Variants in ITGAM observed in about 807,000 individuals in gnomAD.
The protein encoded by ITGAM is integrin alpha-M.
Under a neutral mutation model 137.5 loss-of-function variants are expected in ITGAM, and 79 were observed. The ratio of observed to expected loss-of-function variants is 0.57; its 90% CI spans 0.48 to 0.69. The LOEUF (loss-of-function observed/expected upper bound fraction) is 0.69, where lower values mean the gene tolerates loss of function less well. ITGAM is among the 30% of genes least tolerant of loss of function. The probability of loss-of-function intolerance (pLI) is 0.00; values close to 1 mark genes in which losing one functional copy is unlikely to be tolerated. For missense variants in ITGAM, 1,343 were observed against 1,483.5 expected (o/e 0.91, Z 1.56); for synonymous variants, 583 against 592.3 (o/e 0.98, Z 0.23).
At chr16:31,270,594 G>A (rs558481543) in intron 5 of ITGAM, among the ~76,000 whole-genome samples, 2 of 149,888 alleles carry the variant, frequency 1.3e-5, no homozygotes, top group Non-Finnish European at 3.0e-5. Context: ...GCTCACTGAA[G>A]CCTCAACCTT....
chr16:31,266,862 ATT>A (rs79448805), intron 5 of ITGAM, among the ~76,000 whole-genome samples: 8 of 145,190 alleles, frequency 5.5e-5, no homozygotes, highest in African/African-American at 1.0e-4. Flanking sequence ...GACTGTATGG[ATT>A]TTTTTTTTTT....
chr16:31,322,936 A>G (rs193195195), intron 16 of ITGAM, among the ~76,000 whole-genome samples: 31 of 152,306 alleles, frequency 2.0e-4, no homozygotes, highest in African/African-American at 7.5e-4. Flanking sequence ...TGCGATAAAA[A>G]GAAAGAAAAA....
intron 12 of ITGAM, 105 bp from the exon 13 acceptor site, chr16:31,297,408 TC>T: frequency 7.0e-7 from 1 of 1,426,608 alleles, no homozygotes; most frequent in Non-Finnish European, 9.8e-7. Context: ...TCACATCTGC[TC>T]CAGAGGGATT....
intron 14 of ITGAM, 40 bp from the exon 15 acceptor site, chr16:31,321,201 C>T (rs1473450213): frequency 6.2e-7 from 1 of 1,610,684 alleles, no homozygotes. Context: ...TCCTGTCTTT[C>T]CTACCCCTTT....
At chr16:31,308,499 C>A (rs1187021750) in intron 14 of ITGAM, among the ~76,000 whole-genome samples, 1 of 151,988 alleles carries the variant, frequency 6.6e-6, no homozygotes, top group African/African-American at 2.4e-5. Context: ...GGTGATATCC[C>A]CTTTGTCATT....
intron 16 of ITGAM, among the ~76,000 whole-genome samples, chr16:31,322,501 C>A (rs147161649): frequency 5.9e-4 from 89 of 152,072 alleles, no homozygotes; most frequent in Non-Finnish European, 2.8e-4. Context: ...TCCAAGACAC[C>A]CAGTAGAAAA....
At chr16:31,278,633 T>C (rs1164701326) in intron 12 of ITGAM, among the ~76,000 whole-genome samples, 1 of 152,188 alleles carries the variant, frequency 6.6e-6, no homozygotes, top group African/African-American at 2.4e-5. Context: ...TGGTCACATA[T>C]TATGTGGGAA....
At chr16:31,282,291 G>T (rs529078858) in intron 12 of ITGAM, among the ~76,000 whole-genome samples, 1 of 152,076 alleles carries the variant, frequency 6.6e-6, no homozygotes, top group Non-Finnish European at 1.5e-5. Flanking sequence ...TTTCTGTCTC[G>T]TTGATCTGTC....
In ITGAM at chr16:31,295,719, T is replaced by C. The variant is rs116800740; in HGVS notation, c.1357-1795T>C. 7.1e-3 allele frequency among the ~76,000 whole-genome samples: 1,087 copies of C among 152,086 alleles called. 14 individuals carry two copies. Among genetic ancestry groups the C allele is most frequent in the African/African-American group, 0.024 (1,017 of 41,516 alleles). ...TTTGGGTCTCTTTCATTTATTTTTCTTGCCTAATTGCTGTGACCAGGACTT... is the reference window on the plus strand; with the variant it reads ...TTTGGGTCTCTTTCATTTATTTTTCCTGCCTAATTGCTGTGACCAGGACTT... On this transcript the variant is annotated intron_variant, in intron 12 of 29. Transcript: ENST00000544665.
chr16:31,320,107 C>T (rs2144476477), intron 14 of ITGAM, among the ~76,000 whole-genome samples: 1 of 152,260 alleles, frequency 6.6e-6, no homozygotes, highest in East Asian at 1.9e-4. Context: ...CCACGTGAGC[C>T]ACCGCGTCTG....
At chr16:31,269,146 T>C (rs1469541321) in intron 5 of ITGAM, among the ~76,000 whole-genome samples, 1 of 152,126 alleles carries the variant, frequency 6.6e-6, no homozygotes, top group African/African-American at 2.4e-5. Flanking sequence ...GTCGGAGCTG[T>C]CTTCTTGCGT....
chr16:31,287,513 T>C (rs1452484986), intron 12 of ITGAM, among the ~76,000 whole-genome samples: 1 of 152,234 alleles, frequency 6.6e-6, no homozygotes, highest in Non-Finnish European at 1.5e-5. Context: ...GGAATACTTT[T>C]CCGCTTATTT....
intron 23 of ITGAM, 149 bp from the exon 24 acceptor site, chr16:31,329,079 A>AC: frequency 6.3e-4 from 31 of 49,446 alleles, no homozygotes; most frequent in South Asian, 1.9e-3. Context: ...TGGTTCCCCC[A>AC]TCCCCCTGCA....
rs992013820 is a variant in ITGAM, at chr16:31,271,911, A to G, written c.623A>G (p.Asn208Ser). 6.2e-7 allele frequency: 1 copy of G among 1,613,984 alleles called. No homozygotes were observed. Among genetic ancestry groups the G allele is most frequent in the East Asian group, 2.2e-5 (1 of 44,876 alleles). The change falls in exon 7 of 30, where the codon AAC becomes AGC. Residue 208 changes from asparagine to serine, a missense_variant. Asn to Ser is a conservative substitution (Grantham distance 46, BLOSUM62 1). Transcript: ENST00000544665. ...IHFTFKEFQNNPNPRSLVKPI... is the reference protein window; with the variant it reads ...IHFTFKEFQNSPNPRSLVKPI... Reference sequence around the variant, plus strand: ...TTTACCTTCAAAGAGTTCCAGAACAACCCTAACCCAAGATCACTGGTGAAG... The same window carrying G: ...TTTACCTTCAAAGAGTTCCAGAACAGCCCTAACCCAAGATCACTGGTGAAG...
chr16:31,324,251 G>A lies in ITGAM; in HGVS notation c.2003-148G>A. On this transcript the variant is annotated intron_variant, in intron 16 of 29. Transcript: ENST00000544665. The surrounding 1 kb of genome is among the most constrained non-coding windows in gnomAD (Gnocchi z 4.5). ...GAGGAAAGAAAGAAAGAAAGAAAAA[G>A]GAAGGAAGGAAGGAAAGAAGACTCA... The A allele has an allele frequency of 1.7e-6, 1 of 572,596 alleles. No homozygotes were observed. The highest frequency in any genetic ancestry group is 4.3e-4 in the Middle Eastern group (1 of 2,338). 35.5% of individuals were successfully genotyped at this position (572,596 alleles called of 1,614,324 possible).
rs565800712 is a variant in ITGAM at position 31,260,724 on chromosome 16, C to T, written c.28+632C>T. ...AGGGAGGCTGGAATTCAGAGCAGGACTGGACGTGCCCCACGACGGTGGTTC... is the reference window on the plus strand; with the variant it reads ...AGGGAGGCTGGAATTCAGAGCAGGATTGGACGTGCCCCACGACGGTGGTTC... On this transcript the variant is annotated intron_variant, in intron 1 of 29. Transcript: ENST00000544665. Among the ~76,000 whole-genome samples, 32 of 152,336 alleles carry T rather than the reference C, an allele frequency of 2.1e-4. No individual in the cohort carries two copies. In the South Asian group the frequency reaches 6.0e-3, roughly 29 times the overall value.
At chr16:31,280,763 G>C (rs1245294675) in intron 12 of ITGAM, among the ~76,000 whole-genome samples, 2 of 152,152 alleles carry the variant, frequency 1.3e-5, no homozygotes, top group Non-Finnish European at 2.9e-5. Flanking sequence ...TGTTGAATAG[G>C]AGTGGTGAGA....
At chr16:31,326,425 A>G (rs1019257537) in intron 21 of ITGAM, among the ~76,000 whole-genome samples, 6 of 152,096 alleles carry the variant, frequency 3.9e-5, no homozygotes, top group Admixed American at 1.3e-4. Flanking sequence ...AATTTTTTAT[A>G]TATATTTTTG....
chr16:31,326,928 G>A lies in ITGAM; in HGVS notation c.2701G>A (p.Val901Met). Reference sequence around the variant, plus strand: ...AAACAAACTGCTCCTCAAGGCCAATGTGACCAGGTGCTCTCTGCTACCAGG... The same window carrying A: ...AAACAAACTGCTCCTCAAGGCCAATATGACCAGGTGCTCTCTGCTACCAGG... Reference protein sequence around the residue: ...LGNKLLLKANVTSENNMPRTN... With the variant: ...LGNKLLLKANMTSENNMPRTN... Residue 901 changes from valine (V) to methionine (M), a missense_variant, in exon 22 of 30, where the codon GTG becomes ATG. Transcript: ENST00000544665. 6.2e-7 allele frequency: 1 copy of A among 1,611,186 alleles called. No homozygotes were observed. The highest frequency in any genetic ancestry group is 1.1e-5 in the South Asian group (1 of 91,010).
Sources: allele counts gnomAD v4.1 joint callset (sites outside exome capture counted in the v4.1 genomes callset), GRCh38; gene constraint gnomAD v4.1.1; non-coding constraint Gnocchi (gnomAD v3.1); transcripts MANE v1.5; gene names NCBI Gene and HGNC (gene_info 2026-07-23, HGNC 2026-07-21).